Variants in SLC4A10 observed in about 807,000 individuals in gnomAD.
SLC4A10 encodes the protein solute carrier family 4 member 10, also known as sodium-driven chloride bicarbonate exchanger.
A neutral mutation model predicts 137.7 loss-of-function variants in SLC4A10; 42 were observed. The observed-to-expected ratio is 0.30, with a 90% CI of 0.24 to 0.39. The LOEUF (loss-of-function observed/expected upper bound fraction) is 0.39. SLC4A10 is among the 10% of genes least tolerant of loss of function. The pLI is 1.00. For synonymous variants in SLC4A10, 474 were observed against 464.1 expected, an observed-to-expected ratio of 1.02 and a Z score of -0.27; for missense variants, 925 against 1,355.0, an observed-to-expected ratio of 0.68 and a Z score of 4.98.
At position 161,807,764 on chromosome 2, in the gene SLC4A10, C is replaced by G. The variant is rs530086314; in HGVS notation, c.277+3169C>G. 2.0e-5 allele frequency among the ~76,000 whole-genome samples: 3 copies of G among 152,148 alleles called. No homozygotes were observed. In the South Asian group the frequency reaches 6.2e-4, roughly 32 times the overall value. ...TTTTATTTTCATTTTTAATAGGAAGCAGCATTTTATTTAAAATGTTTTTAA... is the reference window on the plus strand; with the variant it reads ...TTTTATTTTCATTTTTAATAGGAAGGAGCATTTTATTTAAAATGTTTTTAA... On this transcript the variant is annotated intron_variant, in intron 3 of 26. Transcript: ENST00000446997.
chr2:161,957,326 T>C, intron 20 of SLC4A10, 86 bp downstream of exon 20: 4 of 1,441,486 alleles, frequency 2.8e-6, no homozygotes, highest in Non-Finnish European at 3.7e-6. Flanking sequence ...GCCATAAATT[T>C]GCAAATATTG....
chr2:161,808,882 C>A (rs2056276544), intron 3 of SLC4A10, among the ~76,000 whole-genome samples: 1 of 152,134 alleles, frequency 6.6e-6, no homozygotes, highest in Non-Finnish European at 1.5e-5. Flanking sequence ...CATACCAGTG[C>A]ATGCATCTTT....
chr2:161,689,207 C>G (rs2041738698), intron 1 of SLC4A10, among the ~76,000 whole-genome samples: 1 of 151,894 alleles, frequency 6.6e-6, no homozygotes, highest in Non-Finnish European at 1.5e-5. Flanking sequence ...TTTATTGTAG[C>G]CTAAGTGTAT....
At chr2:161,818,272 C>T (rs1184249396) in intron 3 of SLC4A10, among the ~76,000 whole-genome samples, 2 of 152,054 alleles carry the variant, frequency 1.3e-5, no homozygotes, top group African/African-American at 4.8e-5. Context: ...CATGATTTGG[C>T]TCTCTGTTTG....
intron 1 of SLC4A10, among the ~76,000 whole-genome samples, chr2:161,711,476 A>G (rs1313571146): frequency 2.6e-5 from 4 of 151,850 alleles, no homozygotes; most frequent in African/African-American, 9.7e-5. Context: ...ATCAGGACCA[A>G]CTAATTATGG....
intron 1 of SLC4A10, among the ~76,000 whole-genome samples, chr2:161,734,154 C>G (rs1300438625): frequency 6.6e-6 from 1 of 152,036 alleles, no homozygotes; most frequent in Non-Finnish European, 1.5e-5. Flanking sequence ...GTTGGGAAGG[C>G]ATGATTGGTT....
chr2:161,644,193 G>A (rs913182886), intron 1 of SLC4A10, among the ~76,000 whole-genome samples: 8 of 151,292 alleles, frequency 5.3e-5, no homozygotes, highest in African/African-American at 1.9e-4. Flanking sequence ...GGAAGATTAT[G>A]TTCCATAAAA....
chr2:161,697,525 G>A (rs1161567003), intron 1 of SLC4A10, among the ~76,000 whole-genome samples: 1 of 152,002 alleles, frequency 6.6e-6, no homozygotes, highest in Admixed American at 6.5e-5. Flanking sequence ...TCTACATATG[G>A]CTAGCCCGTT....
At chr2:161,805,325 C>T (rs1055813723) in intron 3 of SLC4A10, among the ~76,000 whole-genome samples, 22 of 152,124 alleles carry the variant, frequency 1.4e-4, no homozygotes, top group African/African-American at 1.9e-4. Flanking sequence ...CAAACCATAT[C>T]GTTCCACCCT....
At chr2:161,655,476 C>T (rs996879486) in intron 1 of SLC4A10, among the ~76,000 whole-genome samples, 2 of 152,138 alleles carry the variant, frequency 1.3e-5, no homozygotes, top group African/African-American at 2.4e-5. Flanking sequence ...TTCACATTGA[C>T]CATGATGTTA....
At chr2:161,903,892 C>A in intron 12 of SLC4A10, 112 bp from the exon 13 acceptor site, 2 of 1,070,772 alleles carry the variant, frequency 1.9e-6, no homozygotes, top group Non-Finnish European at 1.3e-6. Context: ...GTGTGTCTCA[C>A]CTCTGCTGAT....
At chr2:161,624,657 C>A (rs1391420654) in intron 1 of SLC4A10, 91 bp downstream of exon 1, 3 of 1,527,808 alleles carry the variant, frequency 2.0e-6, no homozygotes, top group Non-Finnish European at 8.9e-7. Context: ...AGCGAGTGTA[C>A]TTTTGGGGTG....
At chr2:161,752,018 T>C (rs2125309426) in intron 1 of SLC4A10, among the ~76,000 whole-genome samples, 1 of 152,090 alleles carries the variant, frequency 6.6e-6, no homozygotes, top group East Asian at 1.9e-4. Flanking sequence ...TCAATTCACT[T>C]TTTCTTGCTC....
At chr2:161,706,366 T>C (rs1373587439) in intron 1 of SLC4A10, among the ~76,000 whole-genome samples, 1 of 151,666 alleles carries the variant, frequency 6.6e-6, no homozygotes, top group Non-Finnish European at 1.5e-5. Flanking sequence ...TGTAATAGTA[T>C]AGGAGATTAG....
intron 15 of SLC4A10, among the ~76,000 whole-genome samples, chr2:161,926,386 GTTTTTTTTTTTT>G: frequency 4.4e-5 from 1 of 22,936 alleles, no homozygotes; most frequent in African/African-American, 1.2e-4. Flanking sequence ...CCTTTTTTTG[GTTTTTTTTTTTT>G]TTTTTTTTTT....
intron 1 of SLC4A10, among the ~76,000 whole-genome samples, chr2:161,665,056 T>C (rs1249388328): frequency 6.6e-6 from 1 of 151,790 alleles, no homozygotes; most frequent in East Asian, 1.9e-4. Context: ...GAAGAATGTA[T>C]TTCTGTAAGC....
At chr2:161,881,329 C>T (rs1373661579) in intron 9 of SLC4A10, among the ~76,000 whole-genome samples, 4 of 151,922 alleles carry the variant, frequency 2.6e-5, no homozygotes, top group African/African-American at 9.7e-5. Context: ...CACCTGCTAC[C>T]GAATTAAACC....
chr2:161,720,807 G>A (rs1222042467), intron 1 of SLC4A10, among the ~76,000 whole-genome samples: 1 of 151,322 alleles, frequency 6.6e-6, no homozygotes, highest in Non-Finnish European at 1.5e-5. Context: ...AATACAGCAC[G>A]CCAATGAGTC....
chr2:161,965,470 A>G (rs1333730329), intron 23 of SLC4A10, among the ~76,000 whole-genome samples: 1 of 152,206 alleles, frequency 6.6e-6, no homozygotes, highest in Non-Finnish European at 1.5e-5. Flanking sequence ...TATGGATGGC[A>G]GAAACTTGCT....
Sources: allele counts gnomAD v4.1 joint callset (sites outside exome capture counted in the v4.1 genomes callset), GRCh38; gene constraint gnomAD v4.1.1; transcripts MANE v1.5; gene names NCBI Gene and HGNC (gene_info 2026-07-23, HGNC 2026-07-21).